Variants in RALGPS1 observed in about 807,000 individuals in gnomAD.
RALGPS1 encodes ras-specific guanine nucleotide-releasing factor RalGPS1.
RALGPS1 carries 19 observed loss-of-function variants against 78.8 expected under a neutral mutation model. That is an observed-to-expected ratio of 0.24 (90% CI 0.17 to 0.35). The LOEUF (loss-of-function observed/expected upper bound fraction) is 0.35. Ranked by LOEUF, RALGPS1 falls within the 10% of genes least tolerant of loss-of-function variation. The pLI is 1.00. For synonymous variants in RALGPS1, 228 were observed against 256.3 expected (o/e 0.89, Z 1.06); for missense variants, 454 against 688.3 (o/e 0.66, Z 3.81).
intron 8 of RALGPS1, among the ~76,000 whole-genome samples, chr9:127,104,522 T>C (rs774859874): frequency 2.0e-5 from 3 of 152,212 alleles, no homozygotes; most frequent in African/African-American, 7.2e-5. Context: ...CTAATCAAAA[T>C]GCCTTTGGGT....
chr9:127,006,439 C>T (rs1421225026), intron 4 of RALGPS1, among the ~76,000 whole-genome samples: 1 of 152,108 alleles, frequency 6.6e-6, no homozygotes, highest in Non-Finnish European at 1.5e-5. Context: ...CACTGCCTTC[C>T]TTTGGGAGTC....
intron 7 of RALGPS1, among the ~76,000 whole-genome samples, chr9:127,063,543 C>G (rs1367321701): frequency 6.6e-6 from 1 of 151,894 alleles, no homozygotes; most frequent in Non-Finnish European, 1.5e-5. Flanking sequence ...AAAATTAGCT[C>G]TTAGATTTAG....
intron 2 of RALGPS1, among the ~76,000 whole-genome samples, chr9:126,964,436 T>C (rs2039244099): frequency 6.6e-6 from 1 of 151,046 alleles, no homozygotes; most frequent in African/African-American, 2.4e-5. Context: ...CTCCTGGGGA[T>C]GGAGGCAGAT....
At chr9:127,082,745 C>T (rs974681892) in intron 8 of RALGPS1, among the ~76,000 whole-genome samples, 1 of 152,208 alleles carries the variant, frequency 6.6e-6, no homozygotes, top group Middle Eastern at 3.4e-3. Context: ...GAATCCACCT[C>T]GTAGAGTTGT....
At chr9:127,097,193 C>T (rs113973613) in intron 8 of RALGPS1, among the ~76,000 whole-genome samples, 2 of 152,022 alleles carry the variant, frequency 1.3e-5, no homozygotes, top group African/African-American at 2.4e-5. Context: ...TTTTTTCTTC[C>T]GTATTTACCT....
At chr9:126,983,294 A>T (rs1224087059) in intron 4 of RALGPS1, among the ~76,000 whole-genome samples, 2 of 152,190 alleles carry the variant, frequency 1.3e-5, no homozygotes, top group African/African-American at 2.4e-5. Context: ...GTGTATGCAC[A>T]TACTGGGTTT....
intron 5 of RALGPS1, 85 bp downstream of exon 5, chr9:127,034,599 C>A: frequency 8.6e-7 from 1 of 1,156,912 alleles, no homozygotes; most frequent in Non-Finnish European, 1.3e-6. Context: ...CCAAAGCTGT[C>A]TCCCAGGCTC....
intron 1 of RALGPS1, among the ~76,000 whole-genome samples, chr9:126,936,182 CA>C (rs971543856): frequency 6.6e-6 from 1 of 152,190 alleles, no homozygotes; most frequent in African/African-American, 2.4e-5. Flanking sequence ...CTGTTGTGAA[CA>C]GGGGATAGAG....
chr9:127,088,532 A>G (rs951470189), intron 8 of RALGPS1: 1 of 207,410 alleles, frequency 4.8e-6, no homozygotes, highest in African/African-American at 2.3e-5. Flanking sequence ...AGGCAAACCT[A>G]TATATGGATC....
chr9:127,063,732 C>T (rs2049417823), intron 7 of RALGPS1, among the ~76,000 whole-genome samples: 1 of 152,172 alleles, frequency 6.6e-6, no homozygotes, highest in Non-Finnish European at 1.5e-5. Context: ...TTTAAAGCCA[C>T]AAATTTTCCT....
chr9:127,042,517 T>G lies in RALGPS1; in HGVS notation c.301-7526T>G, dbSNP rs190832888. On this transcript the variant is annotated intron_variant, in intron 5 of 18. Coordinates refer to ENST00000259351, the MANE Select transcript of RALGPS1 (RefSeq NM_014636.3). ...CCAATTAGGAATAGAACAGAACTTC[T>G]TCAACTTGATAAAGAACATCTACAA... is the stretch of plus-strand genomic sequence containing the variant. Among the ~76,000 whole-genome samples, 17 of 152,252 alleles carry G rather than the reference T, an allele frequency of 1.1e-4. No individual in the cohort carries two copies. The East Asian group carries it at 3.1e-3, about 28-fold the overall frequency.
At chr9:127,072,369 C>G (rs151334184) in intron 8 of RALGPS1, among the ~76,000 whole-genome samples, 2 of 152,118 alleles carry the variant, frequency 1.3e-5, no homozygotes, top group African/African-American at 4.8e-5. Context: ...CACGCCACCA[C>G]GTCCAGCTAA....
intron 8 of RALGPS1, among the ~76,000 whole-genome samples, chr9:127,139,963 G>T (rs781594660): frequency 2.6e-5 from 4 of 152,186 alleles, no homozygotes; most frequent in Non-Finnish European, 4.4e-5. Context: ...GCCGCCATCC[G>T]CTCATGGCAT....
chr9:127,114,347 G>T (rs1456330946), intron 8 of RALGPS1, among the ~76,000 whole-genome samples: 1 of 152,144 alleles, frequency 6.6e-6, no homozygotes, highest in East Asian at 1.9e-4. Flanking sequence ...TGAGTCATTT[G>T]CCCAAATCAC....
intron 11 of RALGPS1, among the ~76,000 whole-genome samples, chr9:127,189,933 A>T (rs1588460846): frequency 1.3e-5 from 2 of 152,382 alleles, no homozygotes; most frequent in East Asian, 3.9e-4. Flanking sequence ...AGCACCTGGC[A>T]CAGAGTAGGT....
At chr9:127,192,459 C>T (rs1289862241) in intron 11 of RALGPS1, among the ~76,000 whole-genome samples, 1 of 152,128 alleles carries the variant, frequency 6.6e-6, no homozygotes, top group Non-Finnish European at 1.5e-5. Flanking sequence ...AGGGATGGTG[C>T]CAAGAGGTGG....
intron 8 of RALGPS1, among the ~76,000 whole-genome samples, chr9:127,120,225 A>G (rs912893266): frequency 7.2e-5 from 11 of 152,198 alleles, no homozygotes; most frequent in African/African-American, 2.2e-4. Flanking sequence ...CTTATCCACT[A>G]TGGTTCTGCT....
intron 1 of RALGPS1, among the ~76,000 whole-genome samples, chr9:126,933,825 T>G (rs1588502435): frequency 1.3e-5 from 2 of 151,664 alleles, no homozygotes; most frequent in East Asian, 3.9e-4. Context: ...GCAGGGGGGG[T>G]GTGCCACACC....
intron 8 of RALGPS1, among the ~76,000 whole-genome samples, chr9:127,149,412 A>G (rs2058291295): frequency 6.6e-6 from 1 of 152,266 alleles, no homozygotes; most frequent in Admixed American, 6.5e-5. Flanking sequence ...GGCTGAGCCC[A>G]GCAACATAGT....
Sources: gnomAD v4.1 joint callset for allele counts (sites outside exome capture counted in the v4.1 genomes callset) on GRCh38, gnomAD v4.1.1 for gene constraint, MANE v1.5 for transcripts, NCBI Gene and HGNC (gene_info 2026-07-23, HGNC 2026-07-21) for gene names.